The following EVI5 variants were observed in gnomAD, a reference collection of about 807,000 sequenced individuals.
The protein encoded by EVI5 is ecotropic viral integration site 5.
Under a neutral mutation model 112.0 loss-of-function variants are expected in EVI5, and 73 were observed. That is an observed-to-expected ratio of 0.65 (90% CI 0.54 to 0.79). The LOEUF (loss-of-function observed/expected upper bound fraction) is 0.79. EVI5 is among the 30% of genes least tolerant of loss of function. The pLI, the probability that EVI5 is intolerant of heterozygous loss-of-function variation, is 0.00. For missense variants in EVI5, 900 were observed against 968.8 expected (o/e 0.93, Z 0.94); for synonymous variants, 305 against 319.9 (o/e 0.95, Z 0.50).
intron 6 of EVI5, among the ~76,000 whole-genome samples, chr1:92,697,186 C>A (rs143842334): frequency 2.1e-3 from 322 of 152,164 alleles, no homozygotes; most frequent in Admixed American, 3.8e-3. Flanking sequence ...CCAGCTGATT[C>A]ATTCACCTAT....
chr1:92,577,724 G>C (rs891126432), intron 18 of EVI5, among the ~76,000 whole-genome samples: 2 of 152,150 alleles, frequency 1.3e-5, no homozygotes, highest in Non-Finnish European at 2.9e-5. Context: ...TGCCATAAAA[G>C]GAAAGCATCA....
intron 2 of EVI5, among the ~76,000 whole-genome samples, chr1:92,720,782 A>C (rs1674614680): frequency 6.6e-6 from 1 of 152,238 alleles, no homozygotes; most frequent in South Asian, 2.1e-4. Flanking sequence ...CCCAACTGAC[A>C]AAGGGCTAAT....
intron 13 of EVI5, among the ~76,000 whole-genome samples, chr1:92,652,584 T>C (rs1662320074): frequency 6.6e-6 from 1 of 152,234 alleles, no homozygotes; most frequent in Non-Finnish European, 1.5e-5. Context: ...GAGGTATCTG[T>C]ACTCCCACAT....
intron 15 of EVI5, among the ~76,000 whole-genome samples, chr1:92,624,727 A>G (rs1220024420): frequency 7.4e-6 from 1 of 134,366 alleles, no homozygotes; most frequent in South Asian, 2.5e-4. Context: ...AAAAGAATTT[A>G]TTGGAGAAAA....
chr1:92,543,385 T>C (rs184342793), intron 19 of EVI5, among the ~76,000 whole-genome samples: 295 of 152,330 alleles, frequency 1.9e-3, no homozygotes, highest in African/African-American at 7.0e-3. Context: ...CTTCAAAGAA[T>C]TGAAGAGAGT....
intron 13 of EVI5, among the ~76,000 whole-genome samples, chr1:92,653,857 GGAGA>G (rs1662569596): frequency 1.3e-5 from 2 of 152,192 alleles, no homozygotes; most frequent in African/African-American, 4.8e-5. Context: ...ATTGCAGCCT[GGAGA>G]TAGACAGTGG....
intron 1 of EVI5, among the ~76,000 whole-genome samples, chr1:92,767,467 G>A (rs1373312825): frequency 6.6e-6 from 1 of 152,128 alleles, no homozygotes; most frequent in Non-Finnish European, 1.5e-5. Context: ...TGTATCTCCC[G>A]AGGATAAGGG....
At position 92,548,502 on chromosome 1, in the gene EVI5, C is replaced by T. The variant is rs1666194791; in HGVS notation, c.2166+15140G>A. 2.0e-5 allele frequency among the ~76,000 whole-genome samples: 3 copies of T among 152,242 alleles called. No individual in the cohort carries two copies. The South Asian group carries it at 6.2e-4, about 32-fold the overall frequency. On this transcript the variant is annotated intron_variant, in intron 19 of 19. Transcript: ENST00000684568. ...TGCTGGAAGTTCTGGCCAGGGCAAT[C>T]AGGCAGGAGAAAGAAATAAAGGGTA...
At chr1:92,628,094 T>C (rs954940308) in intron 14 of EVI5, among the ~76,000 whole-genome samples, 3 of 152,184 alleles carry the variant, frequency 2.0e-5, no homozygotes, top group African/African-American at 7.2e-5. Context: ...AGCCGATGTT[T>C]AGTACATTTT....
In EVI5 at chr1:92,619,425, T is replaced by C. The variant is rs188514518; in HGVS notation, c.1827+4751A>G. Reference sequence around the variant, plus strand: ...TGTGGGACCTTGTGATCATGTAAGTTAATACTTGAAATAAACTCCCATATA... The same window carrying C: ...TGTGGGACCTTGTGATCATGTAAGTCAATACTTGAAATAAACTCCCATATA... On this transcript the variant is annotated intron_variant, in intron 16 of 19. Transcript: ENST00000684568. Among the ~76,000 whole-genome samples the C allele has an allele frequency of 2.8e-3, 408 of 147,720 alleles. 1 individual carries two copies. Among genetic ancestry groups the C allele is most frequent in the Non-Finnish European group, 4.9e-3 (332 of 67,130 alleles).
intron 18 of EVI5, among the ~76,000 whole-genome samples, chr1:92,594,860 CAATGAGATACCA>C (rs1284551690): frequency 1.3e-5 from 2 of 151,896 alleles, no homozygotes; most frequent in Non-Finnish European, 2.9e-5. Flanking sequence ...ATCAAAACCA[CAATGAGATACCA>C]TCTCACACCA....
At chr1:92,662,142 T>G (rs1329828951) in intron 13 of EVI5, among the ~76,000 whole-genome samples, 1 of 152,194 alleles carries the variant, frequency 6.6e-6, no homozygotes, top group Non-Finnish European at 1.5e-5. Context: ...AAGATAATTT[T>G]TAAAGGGTTA....
intron 13 of EVI5, among the ~76,000 whole-genome samples, chr1:92,658,245 A>G (rs951184250): frequency 1.3e-5 from 2 of 152,224 alleles, no homozygotes; most frequent in African/African-American, 4.8e-5. Flanking sequence ...CAGAGCAACC[A>G]GGAAAGAGAA....
rs1484009081 is a variant in EVI5, at chr1:92,610,901, A to G, written c.1828-3174T>C. On this transcript the variant is annotated intron_variant, in intron 16 of 19. Coordinates refer to ENST00000684568, the MANE Select transcript of EVI5 (RefSeq NM_001350197.2). Reference sequence around the variant, plus strand: ...CCACAGGTGGGAATTGAACAATGAGATCACATGGACATAGGAAGGGGAATA... The same window carrying G: ...CCACAGGTGGGAATTGAACAATGAGGTCACATGGACATAGGAAGGGGAATA... Among the ~76,000 whole-genome samples, 3 of 149,862 alleles carry G rather than the reference A, an allele frequency of 2.0e-5. No individual in the cohort carries two copies. In the Admixed American group the frequency reaches 2.0e-4, roughly 10 times the overall value.
chr1:92,609,544 G>A (rs1403205995), intron 16 of EVI5, among the ~76,000 whole-genome samples: 1 of 152,080 alleles, frequency 6.6e-6, no homozygotes, highest in Non-Finnish European at 1.5e-5. Flanking sequence ...TTTTAGTAGA[G>A]ACAGGGTTTC....
intron 19 of EVI5, among the ~76,000 whole-genome samples, chr1:92,552,231 G>T (rs1667057185): frequency 6.6e-6 from 1 of 151,570 alleles, no homozygotes; most frequent in Non-Finnish European, 1.5e-5. Flanking sequence ...CATGAGTTCA[G>T]ACTACTGTGC....
At chr1:92,546,870 G>A (rs1419518765) in intron 19 of EVI5, among the ~76,000 whole-genome samples, 6 of 152,056 alleles carry the variant, frequency 3.9e-5, no homozygotes, top group Non-Finnish European at 5.9e-5. Context: ...GACCTACAAA[G>A]AGACTTAGAC....
intron 16 of EVI5, among the ~76,000 whole-genome samples, chr1:92,623,619 A>G (rs1175194075): frequency 6.6e-6 from 1 of 152,240 alleles, no homozygotes; most frequent in Non-Finnish European, 1.5e-5. Flanking sequence ...GGGTCACCAC[A>G]TTAAACAACT....
At chr1:92,770,294 T>C (rs961504505) in intron 1 of EVI5, among the ~76,000 whole-genome samples, 1 of 152,220 alleles carries the variant, frequency 6.6e-6, no homozygotes, top group Non-Finnish European at 1.5e-5. Flanking sequence ...ATCAGCTGTA[T>C]AGCATTCCAT....
Sources: gnomAD v4.1 joint callset for allele counts (sites outside exome capture counted in the v4.1 genomes callset) on GRCh38, gnomAD v4.1.1 for gene constraint, MANE v1.5 for transcripts, NCBI Gene and HGNC (gene_info 2026-07-23, HGNC 2026-07-21) for gene names.